The following MAJIN variants were observed in gnomAD, a reference collection of about 807,000 sequenced individuals.
MAJIN encodes the protein membrane anchored junction protein, also known as membrane-anchored junction protein.
MAJIN carries 27 observed loss-of-function variants against 30.2 expected under a neutral mutation model. That is an observed-to-expected ratio of 0.89 (90% CI 0.66 to 1.23). MAJIN has a LOEUF of 1.23. Among genes scored for constraint, MAJIN ranks in the 50% most tolerant of loss-of-function variants. The pLI, the probability that MAJIN is intolerant of heterozygous loss-of-function variation, is 0.00. For synonymous variants in MAJIN, 78 were observed against 91.6 expected, an observed-to-expected ratio of 0.85 and a Z score of 0.85; for missense variants, 253 against 260.3, an observed-to-expected ratio of 0.97 and a Z score of 0.19.
intron 9 of MAJIN, 190 bp from the exon 10 acceptor site, chr11:64,939,957 G>A: frequency 4.1e-6 from 2 of 493,088 alleles, no homozygotes; most frequent in Admixed American, 7.4e-5. Context: ...TGACCTCAGA[G>A]TATTTTCAGT....
rs922629605 is a variant in MAJIN, at chr11:64,959,588, TG to T, written c.-17-167del. 9.3e-4 allele frequency among the ~76,000 whole-genome samples: 142 copies of T among 152,312 alleles called. 1 individual carries two copies. Among genetic ancestry groups the T allele is most frequent in the African/African-American group, 3.2e-3 (135 of 41,572 alleles). On this transcript the variant is annotated intron_variant, in intron 2 of 10. Coordinates refer to ENST00000301896, the MANE Select transcript of MAJIN (RefSeq NM_001037225.3). ...CACTTGGAACATTCTCCTACCTGCATGGGGAGAATACAGTGTGTTGGGATAA... is the reference window on the plus strand; with the variant it reads ...CACTTGGAACATTCTCCTACCTGCATGGGAGAATACAGTGTGTTGGGATAA...
At chr11:64,958,249 C>G (rs1945667389) in intron 3 of MAJIN, among the ~76,000 whole-genome samples, 1 of 151,868 alleles carries the variant, frequency 6.6e-6, no homozygotes, top group Non-Finnish European at 1.5e-5. Flanking sequence ...TGTGCCTGGC[C>G]AAATTTTTGC....
intron 7 of MAJIN, 45 bp downstream of exon 7, chr11:64,947,743 G>A: frequency 1.3e-6 from 2 of 1,590,288 alleles, no homozygotes; most frequent in Non-Finnish European, 1.7e-6. Flanking sequence ...GAAAAAAGAA[G>A]GTGATAAAGG....
chr11:64,948,421 T>C (rs1945483980), intron 6 of MAJIN, among the ~76,000 whole-genome samples: 1 of 150,906 alleles, frequency 6.6e-6, no homozygotes, highest in South Asian at 2.1e-4. Context: ...GCAAGGCCTT[T>C]GCACCCCTTT....
rs753988380 is a variant in MAJIN at position 64,954,738 on chromosome 11, C to T, written c.147+19G>A. On this transcript the variant is annotated intron_variant, in intron 4 of 10. Transcript: ENST00000301896. ...CTTAAAGAGTAACTTTTCCAGAAGT[C>T]GTATGCTTCTTTCCCTACCTCCAGC... is the stretch of plus-strand genomic sequence containing the variant. The T allele has an allele frequency of 4.3e-6, 7 of 1,611,544 alleles. No homozygotes were observed. The highest frequency in any genetic ancestry group is 2.2e-5 in the East Asian group (1 of 44,866).
intron 7 of MAJIN, 47 bp downstream of exon 7, chr11:64,947,741 A>G (rs2136742677): frequency 6.3e-7 from 1 of 1,581,238 alleles, no homozygotes; most frequent in Non-Finnish European, 8.7e-7. Context: ...TGGAAAAAAG[A>G]AGGTGATAAA....
intron 8 of MAJIN, among the ~76,000 whole-genome samples, chr11:64,941,870 G>A (rs1945384520): frequency 6.6e-6 from 1 of 152,150 alleles, no homozygotes; most frequent in Non-Finnish European, 1.5e-5. Context: ...TCCAGACAGG[G>A]ACATGATGTA....
chr11:64,954,872 G>A, intron 3 of MAJIN, 70 bp from the exon 4 acceptor site: 1 of 1,354,400 alleles, frequency 7.4e-7, no homozygotes, highest in South Asian at 1.4e-5. Context: ...ACTCTACTAG[G>A]GCAAAAATAA....
At chr11:64,940,788 C>T in intron 8 of MAJIN, 142 bp from the exon 9 acceptor site, 3 of 614,016 alleles carry the variant, frequency 4.9e-6, no homozygotes, top group Non-Finnish European at 8.5e-6. Flanking sequence ...ATATTTCTTT[C>T]CATTTCTTTC....
In MAJIN at chr11:64,941,162, C is replaced by T. The variant is rs969906517; in HGVS notation, c.474-516G>A. ...CAGGACTGTCGTTTTTTCATTTCAA[C>T]ATCCAAACTACTGTCCCTCTAAAAC... On this transcript the variant is annotated intron_variant, in intron 8 of 10. Transcript: ENST00000301896. Among the ~76,000 whole-genome samples, 6 of 151,992 alleles carry T rather than the reference C, an allele frequency of 3.9e-5. No individual in the cohort carries two copies. The South Asian group carries it at 6.3e-4, about 16-fold the overall frequency.
chr11:64,941,751 T>G (rs1210737652), intron 8 of MAJIN, among the ~76,000 whole-genome samples: 1 of 152,020 alleles, frequency 6.6e-6, no homozygotes, highest in Non-Finnish European at 1.5e-5. Context: ...GCAGGTGGTG[T>G]TAGTCAAGGA....
intron 4 of MAJIN, chr11:64,954,442 G>C (rs1945600792): frequency 1.1e-5 from 5 of 451,664 alleles, no homozygotes; most frequent in Non-Finnish European, 2.0e-5. Context: ...CAGAGCCCTG[G>C]AAGGAGGCAG....
chr11:64,963,138 C>CA (rs1027002416), intron 1 of MAJIN, among the ~76,000 whole-genome samples: 9 of 151,458 alleles, frequency 5.9e-5, no homozygotes, highest in African/African-American at 9.7e-5. Flanking sequence ...AAAAAACAAA[C>CA]AAAAAAAAGC....
intron 2 of MAJIN, among the ~76,000 whole-genome samples, 173 bp downstream of exon 2, chr11:64,959,916 G>T (rs1255719239): frequency 3.9e-5 from 6 of 152,084 alleles, no homozygotes; most frequent in Non-Finnish European, 8.8e-5. Context: ...TGAAATTAAG[G>T]TATTACTACA....
At chr11:64,952,051 C>A (rs186413436) in intron 4 of MAJIN, among the ~76,000 whole-genome samples, 5 of 152,170 alleles carry the variant, frequency 3.3e-5, no homozygotes, top group Admixed American at 6.5e-5. Context: ...CCACGCCCAG[C>A]TAATTTTTTG....
At chr11:64,962,544 G>A (rs1431065437) in intron 1 of MAJIN, among the ~76,000 whole-genome samples, 1 of 152,170 alleles carries the variant, frequency 6.6e-6, no homozygotes, top group Non-Finnish European at 1.5e-5. Context: ...AACAAAGGAA[G>A]AAAACTTACA....
chr11:64,952,086 G>A (rs773287653), intron 4 of MAJIN, among the ~76,000 whole-genome samples: 9 of 151,806 alleles, frequency 5.9e-5, no homozygotes, highest in East Asian at 3.9e-4. Context: ...ATGGGGTTTC[G>A]CCATGTTGTC....
Position 64,938,293 on chromosome 11 carries a change from C to G in MAJIN, c.*282G>C. ...AGTGCCGAAGACAAAAGGCCTAAACCGGCCCTCAGGACATGAACATTTTAG... is the reference window on the plus strand; with the variant it reads ...AGTGCCGAAGACAAAAGGCCTAAACGGGCCCTCAGGACATGAACATTTTAG... On this transcript the variant is annotated 3_prime_UTR_variant, in exon 11 of 11. Transcript: ENST00000301896. 1 of 486,602 alleles carries G rather than the reference C, an allele frequency of 2.1e-6. No homozygotes were observed. Among genetic ancestry groups the G allele is most frequent in the East Asian group, 3.3e-5 (1 of 30,714 alleles). The allele number at this position is 486,602 out of a possible 1,614,324, so 30.1% of individuals were successfully genotyped here.
At chr11:64,967,657 C>T (rs1025790610) in intron 1 of MAJIN, among the ~76,000 whole-genome samples, 10 of 151,870 alleles carry the variant, frequency 6.6e-5, no homozygotes, top group Non-Finnish European at 1.2e-4. Flanking sequence ...TACAGTAACC[C>T]GAACACAGTG....
Sources: allele counts gnomAD v4.1 joint callset (sites outside exome capture counted in the v4.1 genomes callset), GRCh38; gene constraint gnomAD v4.1.1; transcripts MANE v1.5; gene names NCBI Gene and HGNC (gene_info 2026-07-23, HGNC 2026-07-21).